INTS14: variants seen among roughly 807,000 people sequenced by gnomAD.
INTS14 encodes integrator complex subunit 14.
Under a neutral mutation model 56.9 loss-of-function variants are expected in INTS14, and 27 were observed. That is an observed-to-expected ratio of 0.47 (90% CI 0.35 to 0.65). The LOEUF is 0.65. Among genes scored for constraint, INTS14 ranks in the 30% least tolerant of loss-of-function variants. The pLI is 0.00. For missense variants in INTS14, 517 were observed against 632.2 expected, an observed-to-expected ratio of 0.82 and a Z score of 1.95; for synonymous variants, 207 against 236.2, an observed-to-expected ratio of 0.88 and a Z score of 1.13.
At chr15:65,609,579 C>T (rs1006199325) in intron 1 of INTS14, among the ~76,000 whole-genome samples, 1 of 152,248 alleles carries the variant, frequency 6.6e-6, no homozygotes, top group East Asian at 1.9e-4. Flanking sequence ...TGATGAACTA[C>T]CCCTAAATCA....
intron 7 of INTS14, among the ~76,000 whole-genome samples, chr15:65,595,026 A>G (rs1215685276): frequency 6.6e-6 from 1 of 152,210 alleles, no homozygotes; most frequent in Non-Finnish European, 1.5e-5. Flanking sequence ...GAGAAAGCTG[A>G]TAAATATAAA....
intron 6 of INTS14, 56 bp downstream of exon 6, chr15:65,598,265 C>A: frequency 1.3e-6 from 2 of 1,537,232 alleles, no homozygotes; most frequent in South Asian, 2.3e-5. Flanking sequence ...AGTCACAAGT[C>A]AGAAGAAAGT....
chr15:65,607,667 T>C (rs1190904140), intron 1 of INTS14, among the ~76,000 whole-genome samples: 3 of 151,978 alleles, frequency 2.0e-5, no homozygotes, highest in Non-Finnish European at 4.4e-5. Flanking sequence ...ACCATCTAAA[T>C]ATATCTACTG....
At chr15:65,580,600 G>C (rs2072566872) in intron 11 of INTS14, among the ~76,000 whole-genome samples, 1 of 152,182 alleles carries the variant, frequency 6.6e-6, no homozygotes, top group African/African-American at 2.4e-5. Flanking sequence ...TAAGTTTGAA[G>C]ACAACAGTGA....
chr15:65,579,107 G>A lies in INTS14; in HGVS notation c.*301C>T, dbSNP rs1041920713. Reference sequence around the variant, plus strand: ...CCTGCCGGTCAGGTTTCCTGAGGAAGGCAGGGGTGCTCTATGCTCATCAGT... The same window carrying A: ...CCTGCCGGTCAGGTTTCCTGAGGAAAGCAGGGGTGCTCTATGCTCATCAGT... On this transcript the variant is annotated 3_prime_UTR_variant, in exon 12 of 12. Coordinates refer to ENST00000313182, the MANE Select transcript of INTS14 (RefSeq NM_001394796.1). 1 of 253,742 alleles carries A rather than the reference G, an allele frequency of 3.9e-6. No homozygotes were observed. The highest frequency in any genetic ancestry group is 7.5e-6 in the Non-Finnish European group (1 of 133,260). The allele number at this position is 253,742 out of a possible 1,614,324, so 15.7% of individuals were successfully genotyped here. A position where few individuals can be genotyped will look rare whatever the true frequency, so the allele number is the denominator to read the frequency against.
intron 3 of INTS14, among the ~76,000 whole-genome samples, chr15:65,603,162 G>C (rs1240355479): frequency 6.6e-6 from 1 of 152,046 alleles, no homozygotes; most frequent in African/African-American, 2.4e-5. Flanking sequence ...GCCATAAAAA[G>C]CTTTTTTATT....
intron 9 of INTS14, 74 bp downstream of exon 9, chr15:65,591,524 T>C (rs2073028297): frequency 1.3e-6 from 2 of 1,556,900 alleles, no homozygotes; most frequent in South Asian, 2.5e-5. Context: ...GTTCTCTGAC[T>C]GCACAGTCAG....
At chr15:65,604,291 C>G (rs544192578) in intron 3 of INTS14, among the ~76,000 whole-genome samples, 1 of 152,234 alleles carries the variant, frequency 6.6e-6, no homozygotes, top group South Asian at 2.1e-4. Context: ...ACCATGTTGG[C>G]CAGGATGGTC....
intron 10 of INTS14, among the ~76,000 whole-genome samples, chr15:65,582,994 A>C (rs539384976): frequency 6.6e-6 from 1 of 152,262 alleles, no homozygotes; most frequent in African/African-American, 2.4e-5. Flanking sequence ...ACCACTTCAC[A>C]CCTACTATGA....
At chr15:65,589,416 C>A (rs1352249172) in intron 9 of INTS14, among the ~76,000 whole-genome samples, 1 of 152,184 alleles carries the variant, frequency 6.6e-6, no homozygotes, top group African/African-American at 2.4e-5. Flanking sequence ...CCCTGGCCTC[C>A]CAAAGTACTG....
chr15:65,608,932 C>G lies in INTS14; in HGVS notation c.-62-1490G>C, dbSNP rs182195587. ...TTTTTGAGACGGAGTCTTGCGACAT[C>G]TGTCGCCCAGGCTGGAGTGCAGTGG... On this transcript the variant is annotated intron_variant, in intron 1 of 11. Coordinates refer to ENST00000313182, the MANE Select transcript of INTS14 (RefSeq NM_001394796.1). Among the ~76,000 whole-genome samples the G allele has an allele frequency of 4.6e-5, 7 of 152,230 alleles. No homozygotes were observed. In the East Asian group the frequency reaches 1.3e-3, roughly 29 times the overall value.
At chr15:65,599,648 C>T (rs2073352304) in intron 4 of INTS14, 126 bp downstream of exon 4, 3 of 1,060,796 alleles carry the variant, frequency 2.8e-6, no homozygotes, top group South Asian at 2.2e-5. Context: ...AAATACCAGC[C>T]TCAGCTGAAA....
chr15:65,589,697 C>T (rs1408073113), intron 9 of INTS14, among the ~76,000 whole-genome samples: 1 of 152,028 alleles, frequency 6.6e-6, no homozygotes, highest in Non-Finnish European at 1.5e-5. Context: ...TCTATGAGCT[C>T]ATTTTTTTTC....
intron 1 of INTS14, 105 bp downstream of exon 1, chr15:65,610,993 G>T: frequency 4.7e-6 from 7 of 1,500,844 alleles, no homozygotes; most frequent in Non-Finnish European, 6.2e-6. Flanking sequence ...ACGGTGGCGG[G>T]AAGGCCAAGC....
At chr15:65,589,803 T>G (rs1384887863) in intron 9 of INTS14, among the ~76,000 whole-genome samples, 1 of 152,044 alleles carries the variant, frequency 6.6e-6, no homozygotes, top group Non-Finnish European at 1.5e-5. Flanking sequence ...CTGAGCAATC[T>G]CCCTCATTCT....
intron 9 of INTS14, among the ~76,000 whole-genome samples, chr15:65,586,225 C>A (rs2072817235): frequency 6.6e-6 from 1 of 152,172 alleles, no homozygotes; most frequent in African/African-American, 2.4e-5. Context: ...CAACTATGTG[C>A]AAGATACTTT....
At chr15:65,610,867 C>G (rs1214913064) in intron 1 of INTS14, 4 of 1,517,304 alleles carry the variant, frequency 2.6e-6, no homozygotes, top group East Asian at 2.5e-5. Flanking sequence ...GGGAGCTGAG[C>G]AGAGGGCGAA....
chr15:65,585,306 A>T (rs1596236341), intron 9 of INTS14, among the ~76,000 whole-genome samples: 1 of 152,220 alleles, frequency 6.6e-6, no homozygotes, highest in East Asian at 1.9e-4. Context: ...CTAATGTGGT[A>T]GCTACTAACT....
intron 1 of INTS14, among the ~76,000 whole-genome samples, chr15:65,607,729 G>C (rs1202313175): frequency 6.6e-6 from 1 of 151,414 alleles, no homozygotes; most frequent in Admixed American, 6.6e-5. Context: ...TCACACATTC[G>C]ACTTTTATGC....
Sources: allele counts gnomAD v4.1 joint callset (sites outside exome capture counted in the v4.1 genomes callset), GRCh38; gene constraint gnomAD v4.1.1; transcripts MANE v1.5; gene names NCBI Gene and HGNC (gene_info 2026-07-23, HGNC 2026-07-21).